Variants in TAB3 observed in about 807,000 individuals in gnomAD.
TAB3 encodes TGF-beta-activated kinase 1 and MAP3K7-binding protein 3.
A neutral mutation model predicts 48.1 loss-of-function variants in TAB3; 18 were observed. The observed-to-expected ratio is 0.37, with a 90% confidence interval of 0.26 to 0.55. TAB3 has a LOEUF of 0.55. Ranked by LOEUF, TAB3 falls within the 20% of genes least tolerant of loss-of-function variation. TAB3 has a pLI of 0.78. For synonymous variants in TAB3, 185 were observed against 190.2 expected (o/e 0.97, Z 0.22); for missense variants, 414 against 549.8 (o/e 0.75, Z 2.47).
chrX:30,845,165 T>C (rs1432457670), intron 8 of TAB3: 1 of 112,376 alleles, frequency 8.9e-6, no homozygotes, highest in Admixed American at 9.5e-5. Context: ...CAGTGAGATA[T>C]TTTATTATAT....
rs1239431699 is a variant in TAB3 at position 30,854,429 on chromosome X, TCTTGAAGGAGAA to T, written c.1224_1235del (p.Ser408_Ser411del). On this transcript the variant is annotated inframe_deletion, in exon 6 of 11. Transcript: ENST00000288422. ...GAGGTTTTGGTTGACTAGATATCCC[TCTTGAAGGAGAA>T]CTTGAAGGTGGCGTGGTGGCTGTGT... The T allele has an allele frequency of 8.3e-7, 1 of 1,211,602 alleles. No homozygotes were observed. The highest frequency in any genetic ancestry group is 2.2e-5 in the Admixed American group (1 of 46,056).
chrX:30,857,072 C>G (rs1367452901), intron 5 of TAB3, among the ~76,000 whole-genome samples: 2 of 111,741 alleles, frequency 1.8e-5, no homozygotes, highest in African/African-American at 3.2e-5. Context: ...ATCATTTTAA[C>G]CTTTTCTTTA....
In TAB3 at chrX:30,854,646, T is replaced by C. The variant is rs748437881; in HGVS notation, c.1019A>G (p.Tyr340Cys). The C allele has an allele frequency of 8.3e-7, 1 of 1,211,373 alleles. No homozygotes were observed. The highest frequency in any genetic ancestry group is 1.8e-5 in the South Asian group (1 of 56,988). The stretch of plus-strand genomic sequence containing the variant: ...TACTGAATGGCTTCCCTGTTTCTGA[T>C]AGCTAGGAGGTCCTTGTTGATATGG... ...PHPYQQGPPS[Y>C]QKQGSHSVAY... The change falls in exon 6 of 11, where the codon TAT becomes TGT. Residue 340 changes from tyrosine to cysteine, a missense_variant. Coordinates refer to ENST00000288422, the MANE Select transcript of TAB3 (RefSeq NM_152787.5).
chrX:30,860,706 T>G (rs1468925924), intron 4 of TAB3, among the ~76,000 whole-genome samples: 1 of 111,923 alleles, frequency 8.9e-6, no homozygotes, highest in Non-Finnish European at 1.9e-5. Context: ...CAACTAAATC[T>G]TTTACCTGAT....
intron 5 of TAB3, among the ~76,000 whole-genome samples, chrX:30,857,491 G>A (rs1939113581): frequency 1.8e-5 from 2 of 110,006 alleles, no homozygotes; most frequent in South Asian, 3.8e-4. Context: ...AGAGAGTTTC[G>A]TTTGAAACAT....
At position 30,854,487 on chromosome X, in the gene TAB3, G is replaced by A. The variant is rs1938989881; in HGVS notation, c.1178C>T (p.Pro393Leu). ...SPSPISNQPSPRNQHSLYTAT... is the reference protein window; with the variant it reads ...SPSPISNQPSLRNQHSLYTAT... ...TGTGTACAGTGAGTGTTGATTCCGT[G>A]GAGATGGTTGATTACTGATGGGTGA... is the stretch of plus-strand genomic sequence containing the variant. Residue 393 changes from proline (P) to leucine (L), a missense_variant, in exon 6 of 11, where the codon CCA becomes CTA. Physicochemically the swap from Pro to Leu is moderately conservative, Grantham distance 98 (BLOSUM62 -3). Transcript: ENST00000288422. 1 of 1,211,399 alleles carries A rather than the reference G, an allele frequency of 8.3e-7. No individual in the cohort carries two copies. Among genetic ancestry groups the A allele is most frequent in the Non-Finnish European group, 1.1e-6 (1 of 895,237 alleles).
intron 7 of TAB3, among the ~76,000 whole-genome samples, chrX:30,850,742 G>T (rs1601813551): frequency 9.6e-6 from 1 of 104,437 alleles, no homozygotes; most frequent in Admixed American, 1.0e-4. Context: ...AAAGAAAAAA[G>T]ATACATCAAT....
chrX:30,871,602 T>G (rs1180099659), intron 2 of TAB3, 97 bp downstream of exon 2: 2 of 111,983 alleles, frequency 1.8e-5, no homozygotes, highest in African/African-American at 6.5e-5. Flanking sequence ...TCCTTGCTCT[T>G]AAGTGCACAA....
At chrX:30,847,164 T>G (rs928207331) in intron 7 of TAB3, among the ~76,000 whole-genome samples, 12 of 111,531 alleles carry the variant, frequency 1.1e-4, no homozygotes, top group Non-Finnish European at 2.3e-4. Flanking sequence ...GTTATATAAT[T>G]TTCTTAAAGT....
intron 9 of TAB3, among the ~76,000 whole-genome samples, chrX:30,841,414 CAA>C (rs34085528): frequency 8.6e-5 from 8 of 93,338 alleles, no homozygotes; most frequent in Admixed American, 1.2e-4. Flanking sequence ...GTCTCCATCT[CAA>C]AAAAAAAAAA....
At chrX:30,852,638 C>T (rs1938897721) in intron 7 of TAB3, 140 bp downstream of exon 7, 3 of 595,462 alleles carry the variant, frequency 5.0e-6, no homozygotes, top group South Asian at 8.3e-5. Flanking sequence ...AGTCCTTCAT[C>T]TGTTGTTTTT....
rs756168445 is a variant in TAB3, at chrX:30,855,496, C to G, written c.169G>C (p.Glu57Gln). 5 of 1,209,670 alleles carry G rather than the reference C, an allele frequency of 4.1e-6. No homozygotes were observed. The highest frequency in any genetic ancestry group is 5.6e-6 in the Non-Finnish European group (5 of 894,135). Residue 57 changes from glutamate to glutamine, a missense_variant, in exon 6 of 11, where the codon GAA becomes CAA. Physicochemically the swap from Glu to Gln is conservative, Grantham distance 29. Transcript: ENST00000288422. ...SQESSKYLYM[E>Q]YHSPDDNRMN... The stretch of plus-strand genomic sequence containing the variant: ...CTATTGTCATCTGGACTATGGTATT[C>G]CATATATAAGTATTTGCTACTCTCC...
At chrX:30,864,732 C>T (rs1313618436) in intron 4 of TAB3, among the ~76,000 whole-genome samples, 2 of 111,843 alleles carry the variant, frequency 1.8e-5, no homozygotes, top group Non-Finnish European at 3.8e-5. Context: ...AGGTTGCAAA[C>T]CAATGGTCTG....
chrX:30,835,448 T>C (rs1458718640), intron 9 of TAB3: 2 of 114,381 alleles, frequency 1.7e-5, no homozygotes, highest in African/African-American at 6.5e-5. Context: ...ACCTTTGGAG[T>C]ATTTGGCTGG....
chrX:30,881,829 T>C (rs1940007680), intron 1 of TAB3, among the ~76,000 whole-genome samples: 1 of 112,099 alleles, frequency 8.9e-6, no homozygotes, highest in Non-Finnish European at 1.9e-5. Context: ...GTTATTTAAT[T>C]AAGTTCACCT....
At chrX:30,840,895 T>A (rs1192108241) in intron 9 of TAB3, among the ~76,000 whole-genome samples, 1 of 112,223 alleles carries the variant, frequency 8.9e-6, no homozygotes, top group African/African-American at 3.2e-5. Flanking sequence ...GCAATTGCTC[T>A]AAGACAGCTC....
intron 9 of TAB3, among the ~76,000 whole-genome samples, chrX:30,838,331 AT>A (rs755724906): frequency 1.8e-5 from 2 of 110,614 alleles, no homozygotes; most frequent in South Asian, 3.8e-4. Flanking sequence ...TAATTTTTAA[AT>A]TTTTTTTTGT....
intron 4 of TAB3, among the ~76,000 whole-genome samples, chrX:30,864,546 C>T (rs1031281998): frequency 8.9e-6 from 1 of 112,167 alleles, no homozygotes; most frequent in Admixed American, 9.4e-5. Context: ...GAAGCTCCCC[C>T]AGAGCTCTGC....
chrX:30,870,193 C>T (rs1476547914), intron 2 of TAB3, among the ~76,000 whole-genome samples: 2 of 112,199 alleles, frequency 1.8e-5, no homozygotes, highest in African/African-American at 6.5e-5. Flanking sequence ...CTCTCAAGTG[C>T]AGCCTAGATG....
Sources: gnomAD v4.1 joint callset for allele counts (sites outside exome capture counted in the v4.1 genomes callset) on GRCh38, gnomAD v4.1.1 for gene constraint, MANE v1.5 for transcripts, NCBI Gene and HGNC (gene_info 2026-07-23, HGNC 2026-07-21) for gene names.